Variants in NFAT5 observed in about 807,000 individuals in gnomAD.
NFAT5 encodes nuclear factor of activated T-cells 5.
A neutral mutation model predicts 166.5 loss-of-function variants in NFAT5; 31 were observed. The ratio of observed to expected loss-of-function variants is 0.19; its 90% confidence interval spans 0.14 to 0.25. The LOEUF (loss-of-function observed/expected upper bound fraction) is 0.25. NFAT5 is among the 10% of genes least tolerant of loss of function. NFAT5 has a pLI of 1.00. For missense variants in NFAT5, 1,449 were observed against 1,821.8 expected, an observed-to-expected ratio of 0.80 and a Z score of 3.72; for synonymous variants, 612 against 639.7, an observed-to-expected ratio of 0.96 and a Z score of 0.65.
chr16:69,605,850 A>T (rs1279392526), intron 2 of NFAT5, among the ~76,000 whole-genome samples: 1 of 151,986 alleles, frequency 6.6e-6, no homozygotes, highest in Admixed American at 6.5e-5. Context: ...AGTAGCTGGG[A>T]CTACAGGCGC....
Position 69,700,862 on chromosome 16 carries a change from A to T in NFAT5, c.*4511A>T. The T allele has an allele frequency of 1.3e-5, 2 of 152,074 alleles. No individual in the cohort carries two copies. The highest frequency in any genetic ancestry group is 3.8e-4 in the East Asian group (2 of 5,198). The allele number at this position is 152,074 out of a possible 1,614,324, so 9.4% of individuals were successfully genotyped here. ...GTGTCACTAGAGCAAAATTGTAGAG[A>T]TAATGCTCATAATGCAGTAAATATC... On this transcript the variant is annotated 3_prime_UTR_variant, in exon 15 of 15. Coordinates refer to ENST00000349945, the MANE Select transcript of NFAT5 (RefSeq NM_138713.4).
intron 6 of NFAT5, among the ~76,000 whole-genome samples, chr16:69,658,670 A>G (rs1217410662): frequency 6.6e-6 from 1 of 151,010 alleles, no homozygotes; most frequent in Non-Finnish European, 1.5e-5. Flanking sequence ...TGTACTAAAA[A>G]TACAAAAGTG....
intron 2 of NFAT5, among the ~76,000 whole-genome samples, chr16:69,570,720 C>T (rs117210047): frequency 1.1e-4 from 16 of 152,208 alleles, no homozygotes; most frequent in Admixed American, 7.9e-4. Context: ...AGGAGGCTAC[C>T]GCTTCTAGTA....
At chr16:69,589,316 C>A (rs1034462209) in intron 2 of NFAT5, among the ~76,000 whole-genome samples, 1 of 152,050 alleles carries the variant, frequency 6.6e-6, no homozygotes, top group Non-Finnish European at 1.5e-5. Context: ...TTTAGTAGCC[C>A]GTTGTTTGTC....
intron 2 of NFAT5, among the ~76,000 whole-genome samples, chr16:69,597,056 T>G (rs2032838505): frequency 6.6e-6 from 1 of 152,034 alleles, no homozygotes; most frequent in Admixed American, 6.6e-5. Flanking sequence ...ATGTAAAGAT[T>G]AAAGGGCTAT....
At chr16:69,611,962 A>T (rs1353013721) in intron 2 of NFAT5, among the ~76,000 whole-genome samples, 1 of 152,208 alleles carries the variant, frequency 6.6e-6, no homozygotes, top group Non-Finnish European at 1.5e-5. Context: ...ATAAATATTT[A>T]TTGAGTGAAT....
In NFAT5 at chr16:69,692,585, G is replaced by C. The variant is rs758256709; in HGVS notation, c.2760G>C (p.Gln920His). 1.2e-6 allele frequency: 2 copies of C among 1,614,212 alleles called. No individual in the cohort carries two copies. The highest frequency in any genetic ancestry group is 3.3e-5 in the Admixed American group (2 of 60,018). ...CCGCAATGGTGATGGAGATGCAACA[G>C]AGTATCTGCCAGGCAGCTGCCCAGA... is the stretch of plus-strand genomic sequence containing the variant. Reference protein sequence around the residue: ...SSAAMVMEMQQSICQAAAQIQ... With the variant: ...SSAAMVMEMQHSICQAAAQIQ... The change falls in exon 13 of 15, where the codon CAG (glutamine) becomes CAC (histidine). Residue 920 changes from glutamine (Q) to histidine (H), a missense_variant. Transcript: ENST00000349945.
At chr16:69,595,212 A>G (rs2032721532) in intron 2 of NFAT5, among the ~76,000 whole-genome samples, 1 of 152,210 alleles carries the variant, frequency 6.6e-6, no homozygotes, top group African/African-American at 2.4e-5. Context: ...ACATACTATA[A>G]TAAAAGTTAT....
At chr16:69,645,691 A>G (rs769281794) in intron 3 of NFAT5, among the ~76,000 whole-genome samples, 9 of 152,218 alleles carry the variant, frequency 5.9e-5, no homozygotes, top group Non-Finnish European at 1.3e-4. Flanking sequence ...ACTTTAAAAC[A>G]GTGGCATACT....
intron 4 of NFAT5, chr16:69,648,427 T>A: frequency 1.0e-6 from 1 of 982,972 alleles, no homozygotes; most frequent in South Asian, 4.7e-5. Flanking sequence ...TTGATACTAA[T>A]ACATTGATTG....
intron 7 of NFAT5, among the ~76,000 whole-genome samples, chr16:69,668,193 A>AC (rs1446836385): frequency 6.7e-6 from 1 of 150,176 alleles, no homozygotes; most frequent in Non-Finnish European, 1.5e-5. Context: ...ACCAACTTGA[A>AC]CTCCTGACCT....
In NFAT5 at chr16:69,698,820, GA is replaced by G. The variant is rs2037842550; in HGVS notation, c.*2473del. ...TGCCTTTTATTTATAAAGACACTAA[GA>G]AAACCCATGTTTGTAATTTTAATAA... On this transcript the variant is annotated 3_prime_UTR_variant, in exon 15 of 15. Coordinates refer to ENST00000349945, the MANE Select transcript of NFAT5 (RefSeq NM_138713.4). 1 of 152,532 alleles carries G rather than the reference GA, an allele frequency of 6.6e-6. No individual in the cohort carries two copies. Among genetic ancestry groups the G allele is most frequent in the South Asian group, 2.1e-4 (1 of 4,822 alleles). The allele number at this position is 152,532 out of a possible 1,614,324, so 9.4% of individuals were successfully genotyped here.
At chr16:69,615,540 G>A (rs562508089) in intron 2 of NFAT5, among the ~76,000 whole-genome samples, 66 of 152,054 alleles carry the variant, frequency 4.3e-4, no homozygotes, top group African/African-American at 1.5e-3. Flanking sequence ...GGGAATATAT[G>A]TATATTTATA....
In NFAT5 at chr16:69,566,579, C is replaced by T. The variant is rs999808173; in HGVS notation, c.73+205C>T. Among the ~76,000 whole-genome samples, 1 of 151,992 alleles carries T rather than the reference C, an allele frequency of 6.6e-6. No homozygotes were observed. The highest frequency in any genetic ancestry group is 1.5e-5 in the Non-Finnish European group (1 of 67,932). On this transcript the variant is annotated intron_variant, in intron 1 of 14. Coordinates refer to ENST00000349945, the MANE Select transcript of NFAT5 (RefSeq NM_138713.4). This position sits in a 1 kb window ranked among gnomAD's most constrained non-coding sequence, Gnocchi z 5.7. ...CGGAGCAGTGGCGGCCCCTCCCCCG[C>T]GGAGCCGCCGGCCGCTCGGGGCCCA...
At chr16:69,572,334 T>C (rs1013555668) in intron 2 of NFAT5, among the ~76,000 whole-genome samples, 2 of 152,204 alleles carry the variant, frequency 1.3e-5, no homozygotes, top group African/African-American at 4.8e-5. Context: ...GTTACAATTA[T>C]ATTCAAAGTA....
intron 11 of NFAT5, among the ~76,000 whole-genome samples, chr16:69,688,431 AGTGGC>A (rs1431263313): frequency 1.3e-5 from 2 of 152,046 alleles, no homozygotes; most frequent in Non-Finnish European, 2.9e-5. Context: ...GCTGGAATGC[AGTGGC>A]GTGGTCTCGG....
intron 2 of NFAT5, among the ~76,000 whole-genome samples, chr16:69,605,109 T>C (rs555054727): frequency 3.3e-4 from 50 of 152,266 alleles, no homozygotes; most frequent in Non-Finnish European, 5.3e-4. Context: ...ATGGCCTTTA[T>C]TGGATGTTTA....
At position 69,692,357 on chromosome 16, in the gene NFAT5, T is replaced by C; in HGVS notation, c.2532T>C (p.Leu844=). The C allele has an allele frequency of 6.2e-7, 1 of 1,614,170 alleles. No homozygotes were observed. The highest frequency in any genetic ancestry group is 8.5e-7 in the Non-Finnish European group (1 of 1,180,020). The change falls in exon 13 of 15, where the codon CTT becomes CTC. Residue 844 remains leucine (L), a synonymous_variant. Transcript: ENST00000349945. ...PDGNENVQEQ[L]SADIFQQVSQ... is the part of the protein sequence containing the mutation. ...GTAATGAGAATGTTCAAGAGCAGCT[T>C]AGTGCAGATATTTTTCAACAAGTCA...
chr16:69,692,464 C>A lies in NFAT5; in HGVS notation c.2639C>A (p.Pro880His). ...TVHTRPDNLLPGRAESVHPQS... is the reference protein window; with the variant it reads ...TVHTRPDNLLHGRAESVHPQS... ...CATACCAGACCAGATAATTTATTACCTGGAAGAGCTGAAAGTGTTCATCCA... is the reference window on the plus strand; with the variant it reads ...CATACCAGACCAGATAATTTATTACATGGAAGAGCTGAAAGTGTTCATCCA... The change falls in exon 13 of 15, where the codon CCT becomes CAT. Residue 880 changes from proline to histidine, a missense_variant. Around this residue, in one of 7 missense-constraint regions of NFAT5, gnomAD observed 891 missense variants for 993.0 expected, o/e 0.90. Transcript: ENST00000349945. The A allele has an allele frequency of 2.5e-6, 4 of 1,614,156 alleles. No individual in the cohort carries two copies. The South Asian group carries it at 4.4e-5, about 18-fold the overall frequency.
Sources: gnomAD v4.1 joint callset for allele counts (sites outside exome capture counted in the v4.1 genomes callset) on GRCh38, gnomAD v4.1.1 for gene constraint, gnomAD v4.1.1 regional missense constraint, Gnocchi (gnomAD v3.1) non-coding constraint, MANE v1.5 for transcripts, NCBI Gene and HGNC (gene_info 2026-07-23, HGNC 2026-07-21) for gene names.